The following LRRC56 variants were observed in gnomAD, a reference collection of about 807,000 sequenced individuals.
LRRC56 encodes the protein leucine rich repeat containing 56.
Under a neutral mutation model 47.8 loss-of-function variants are expected in LRRC56, and 41 were observed. That is an observed-to-expected ratio of 0.86 (90% CI 0.67 to 1.11). The LOEUF is 1.11. LRRC56 is among the 50% of genes most tolerant of loss of function. The pLI, the probability that LRRC56 is intolerant of heterozygous loss-of-function variation, is 0.00. For missense variants in LRRC56, 759 were observed against 704.2 expected, an observed-to-expected ratio of 1.08 and a Z score of -0.88; for synonymous variants, 387 against 311.2, an observed-to-expected ratio of 1.24 and a Z score of -2.56.
At chr11:550,986 C>A in intron 8 of LRRC56, 145 bp from the exon 9 acceptor site, 1 of 530,320 alleles carries the variant, frequency 1.9e-6, no homozygotes, top group Non-Finnish European at 3.4e-6. Context: ...CCCAAGCCCA[C>A]CCCTGCAGGG....
intron 6 of LRRC56, among the ~76,000 whole-genome samples, chr11:548,070 G>C (rs1233514239): frequency 6.6e-6 from 1 of 151,932 alleles, no homozygotes; most frequent in East Asian, 1.9e-4. Flanking sequence ...AGGTTGCAGT[G>C]AGCCAAGATC....
At chr11:511,911 G>A in the LRRC56 span, among the ~76,000 whole-genome samples, 14 of 152,232 alleles carry the variant, frequency 9.2e-5, no homozygotes, top group Non-Finnish European at 1.6e-4. Context: ...GAGCATGAGA[G>A]GTCTTGATCA....
At chr11:533,839 G>T (rs749674880), upstream of LRRC56, 1 of 1,613,318 alleles carries the variant, frequency 6.2e-7, no homozygotes, top group Non-Finnish European at 8.5e-7. Context: ...TCCCCGGTGC[G>T]CATGTACTGG....
At chr11:537,978 C>T (rs907923062) in intron 1 of LRRC56, among the ~76,000 whole-genome samples, 11 of 152,156 alleles carry the variant, frequency 7.2e-5, no homozygotes, top group African/African-American at 2.2e-4. Flanking sequence ...GATGGCTACC[C>T]ACCAGGGAAT....
At chr11:509,920 A>G in the LRRC56 span, among the ~76,000 whole-genome samples, 1 of 151,952 alleles carries the variant, frequency 6.6e-6, no homozygotes, top group Admixed American at 6.6e-5. Flanking sequence ...CCACTGTGGA[A>G]TTGGGAGTAT....
chr11:533,571 A>G (rs1564789063), upstream of LRRC56: 4 of 1,613,864 alleles, frequency 2.5e-6, no homozygotes, highest in Non-Finnish European at 3.4e-6. Flanking sequence ...CACCAGCACC[A>G]TGGGCACGTC....
the LRRC56 span, among the ~76,000 whole-genome samples, chr11:521,924 A>C: frequency 1.3e-5 from 2 of 151,848 alleles, no homozygotes; most frequent in African/African-American, 2.4e-5. Flanking sequence ...CAAAAAAAAA[A>C]CGATTAAAAT....
Position 541,013 on chromosome 11 carries a change from GT to G in LRRC56, c.177+153del. Reference sequence around the variant, plus strand: ...GCCTCAGCCCAGCCCCTGCAGCTGGGTCTGCTCCACCCACTCTGCCCTTGGG... The same window carrying G: ...GCCTCAGCCCAGCCCCTGCAGCTGGGCTGCTCCACCCACTCTGCCCTTGGG... On this transcript the variant is annotated intron_variant, in intron 4 of 13. Coordinates refer to ENST00000270115, the MANE Select transcript of LRRC56 (RefSeq NM_198075.4). This position sits in a 1 kb window ranked among gnomAD's most constrained non-coding sequence, Gnocchi z 4.1. 3 of 684,732 alleles carry G rather than the reference GT, an allele frequency of 4.4e-6. No individual in the cohort carries two copies. The South Asian group carries it at 6.1e-5, about 14-fold the overall frequency. 42.4% of individuals were successfully genotyped at this position (684,732 alleles called of 1,614,324 possible).
chr11:521,696 C>T, the LRRC56 span, among the ~76,000 whole-genome samples: 2 of 152,146 alleles, frequency 1.3e-5, no homozygotes. Context: ...GGGCAGATCA[C>T]GAGGTCAGGA....
At chr11:519,279 GATACACAGGTGA>G in the LRRC56 span, among the ~76,000 whole-genome samples, 19 of 140,928 alleles carry the variant, frequency 1.3e-4, no homozygotes, top group South Asian at 3.9e-3. Flanking sequence ...AACGCGGGCT[GATACACAGGTGA>G]GCTTTATTAG....
intron 6 of LRRC56, among the ~76,000 whole-genome samples, chr11:546,428 C>T (rs1037669987): frequency 2.6e-5 from 4 of 151,844 alleles, no homozygotes; most frequent in Non-Finnish European, 5.9e-5. Flanking sequence ...ATTAGCCGGG[C>T]GTGGTGGTGG....
chr11:533,819 C>G (rs767586105), upstream of LRRC56: 1 of 1,613,288 alleles, frequency 6.2e-7, no homozygotes, highest in Admixed American at 1.7e-5. Context: ...CAAACACACA[C>G]AGGAAGCCCT....
At chr11:533,611 C>T (rs751137946), upstream of LRRC56, 5 of 1,613,806 alleles carry the variant, frequency 3.1e-6, no homozygotes, top group South Asian at 1.1e-5. Context: ...TTGATCTGCT[C>T]CCTGAGAGGT....
At chr11:533,202 G>C (rs565330262), upstream of LRRC56, 496 of 1,320,914 alleles carry the variant, frequency 3.8e-4, no homozygotes, top group Non-Finnish European at 5.0e-4. Context: ...AGCTGTGTCG[G>C]CCCAGGACTG....
chr11:537,035 G>T (rs1236150082), upstream of LRRC56: 1 of 152,184 alleles, frequency 6.6e-6, no homozygotes, highest in Non-Finnish European at 1.5e-5. Context: ...TCCGGTGTGT[G>T]TTTCCTGGTC....
At chr11:509,445 T>C in the LRRC56 span, among the ~76,000 whole-genome samples, 1 of 152,196 alleles carries the variant, frequency 6.6e-6, no homozygotes, top group East Asian at 1.9e-4. Flanking sequence ...GTGGGGAAGG[T>C]GCCCAGGTAT....
rs944427234 is a variant in LRRC56, at chr11:542,928, T to C, written c.265+1304T>C. 7.9e-5 allele frequency among the ~76,000 whole-genome samples: 12 copies of C among 152,050 alleles called. No homozygotes were observed. The South Asian group carries it at 2.1e-3, about 26-fold the overall frequency. On this transcript the variant is annotated intron_variant, in intron 5 of 13. Coordinates refer to ENST00000270115, the MANE Select transcript of LRRC56 (RefSeq NM_198075.4). ...TTTTTTTTTTTGAGATGGAGTCTCA[T>C]TCTGTCGCCCAGGCTGGAGTGCAGT... is the stretch of plus-strand genomic sequence containing the variant.
chr11:551,399 T>C lies in LRRC56; in HGVS notation c.796+97T>C. On this transcript the variant is annotated intron_variant, in intron 9 of 13. Coordinates refer to ENST00000270115, the MANE Select transcript of LRRC56 (RefSeq NM_198075.4). The stretch of plus-strand genomic sequence containing the variant: ...CTTCTCAGAAACGGATAGCCACATC[T>C]CATGCGCTTCTCCAGCCTTGACCCC... The C allele has an allele frequency of 2.0e-5, 18 of 894,746 alleles. No homozygotes were observed. In the South Asian group the frequency reaches 2.9e-4, roughly 15 times the overall value. 55.4% of individuals were successfully genotyped at this position (894,746 alleles called of 1,614,324 possible).
At chr11:531,453 C>G in the LRRC56 span, among the ~76,000 whole-genome samples, 1 of 152,192 alleles carries the variant, frequency 6.6e-6, no homozygotes, top group Non-Finnish European at 1.5e-5. Context: ...TGTGGCCAGA[C>G]CTAGAACTTG....
Sources: allele counts gnomAD v4.1 joint callset (sites outside exome capture counted in the v4.1 genomes callset), GRCh38; gene constraint gnomAD v4.1.1; non-coding constraint Gnocchi (gnomAD v3.1); transcripts MANE v1.5; gene names NCBI Gene and HGNC (gene_info 2026-07-23, HGNC 2026-07-21).